Variants in TSPAN7 observed in about 807,000 individuals in gnomAD.
TSPAN7 encodes tetraspanin 7, also known as tetraspanin-7.
In TSPAN7, 1 loss-of-function variant was observed where a neutral mutation model predicts 17.6. That is an observed-to-expected ratio of 0.06 (90% confidence interval 0.02 to 0.27). The LOEUF (loss-of-function observed/expected upper bound fraction) is 0.27. Among genes scored for constraint, TSPAN7 ranks in the 10% least tolerant of loss-of-function variants. The pLI is 1.00. For synonymous variants in TSPAN7, 78 were observed against 79.0 expected, an observed-to-expected ratio of 0.99 and a Z score of 0.07; for missense variants, 112 against 201.7, an observed-to-expected ratio of 0.56 and a Z score of 2.69.
chrX:38,675,146 C>T (rs895814859), intron 4 of TSPAN7, among the ~76,000 whole-genome samples: 1 of 112,023 alleles, frequency 8.9e-6, no homozygotes, highest in Non-Finnish European at 1.9e-5. Context: ...TCTGTCACAA[C>T]TACTCATCTC....
At chrX:38,566,017 C>T (rs778816879) in intron 1 of TSPAN7, among the ~76,000 whole-genome samples, 4 of 111,899 alleles carry the variant, frequency 3.6e-5, no homozygotes, top group Non-Finnish European at 7.5e-5. Flanking sequence ...AACAGTGTAA[C>T]CAACCTCTGC....
intron 1 of TSPAN7, chrX:38,570,777 A>G (rs1308010118): frequency 9.0e-6 from 1 of 111,450 alleles, no homozygotes; most frequent in East Asian, 2.8e-4. Context: ...TAAATTTCTT[A>G]TTTTGGCTGT....
intron 1 of TSPAN7, among the ~76,000 whole-genome samples, chrX:38,634,504 G>A (rs1247761690): frequency 8.9e-6 from 1 of 111,814 alleles, no homozygotes; most frequent in Non-Finnish European, 1.9e-5. Flanking sequence ...TCTCCTGTTA[G>A]GACTGTGACC....
intron 6 of TSPAN7, among the ~76,000 whole-genome samples, chrX:38,683,240 A>C (rs2069903433): frequency 8.9e-6 from 1 of 112,003 alleles, no homozygotes; most frequent in South Asian, 3.7e-4. Context: ...AATCAAATGG[A>C]TCCTTCTCCA....
At chrX:38,607,735 G>A (rs1383008775) in intron 1 of TSPAN7, among the ~76,000 whole-genome samples, 2 of 111,022 alleles carry the variant, frequency 1.8e-5, no homozygotes, top group African/African-American at 6.5e-5. Flanking sequence ...CCAAAGGTGA[G>A]CACTGACGAT....
intron 1 of TSPAN7, among the ~76,000 whole-genome samples, chrX:38,625,999 A>C (rs2069520543): frequency 8.9e-6 from 1 of 112,199 alleles, no homozygotes; most frequent in Non-Finnish European, 1.9e-5. Context: ...GAGGATGGGA[A>C]TCACGTGAAT....
rs1470856911 is a variant in TSPAN7 at position 38,688,485 on chromosome X, A to G, written c.*554A>G. On this transcript the variant is annotated 3_prime_UTR_variant, in exon 8 of 8. Coordinates refer to ENST00000378482, the MANE Select transcript of TSPAN7 (RefSeq NM_004615.4). ...CCTAAGACATGTAACGAAACACTTC[A>G]ATAATTGTCCATGAGGAGAAAAAAA... is the stretch of plus-strand genomic sequence containing the variant. 5.3e-5 allele frequency: 6 copies of G among 113,244 alleles called. No individual in the cohort carries two copies. Among genetic ancestry groups the G allele is most frequent in the Non-Finnish European group, 1.1e-4 (6 of 53,354 alleles). The allele number at this position is 113,244 out of a possible 1,213,427, so 9.3% of individuals were successfully genotyped here. A position where few individuals can be genotyped will look rare whatever the true frequency, so the allele number is the denominator to read the frequency against.
chrX:38,636,040 T>G (rs1393078777), intron 1 of TSPAN7, among the ~76,000 whole-genome samples: 2 of 110,150 alleles, frequency 1.8e-5, no homozygotes, highest in Admixed American at 2.0e-4. Flanking sequence ...CCCATTAATT[T>G]TATGCATTTG....
At chrX:38,601,044 G>A (rs1268926664) in intron 1 of TSPAN7, among the ~76,000 whole-genome samples, 6 of 111,582 alleles carry the variant, frequency 5.4e-5, no homozygotes, top group African/African-American at 9.8e-5. Context: ...TTGAGTAGAC[G>A]TTGGTCTGCC....
chrX:38,585,913 A>G (rs1052369982), intron 1 of TSPAN7, among the ~76,000 whole-genome samples: 6 of 112,801 alleles, frequency 5.3e-5, no homozygotes, highest in Non-Finnish European at 9.4e-5. Context: ...CCCTCACCAG[A>G]AGCAGATGCT....
chrX:38,599,269 C>T (rs1324466735), intron 1 of TSPAN7, among the ~76,000 whole-genome samples: 1 of 110,583 alleles, frequency 9.0e-6, no homozygotes, highest in Non-Finnish European at 1.9e-5. Flanking sequence ...TGTGTATGTG[C>T]ATATTAATAT....
At chrX:38,656,686 A>G (rs1393173528) in intron 1 of TSPAN7, among the ~76,000 whole-genome samples, 1 of 112,074 alleles carries the variant, frequency 8.9e-6, no homozygotes, top group Non-Finnish European at 1.9e-5. Flanking sequence ...GCATTTACCT[A>G]TATGATGTCT....
intron 7 of TSPAN7, 132 bp from the exon 8 acceptor site, chrX:38,687,807 T>A: frequency 2.2e-6 from 1 of 462,124 alleles, no homozygotes; most frequent in Non-Finnish European, 3.6e-6. Flanking sequence ...TTCAGAAATC[T>A]CATTTCTGTG....
intron 1 of TSPAN7, among the ~76,000 whole-genome samples, chrX:38,659,823 CTTTTTTTTT>C (rs748922281): frequency 3.2e-5 from 2 of 61,604 alleles, no homozygotes; most frequent in Non-Finnish European, 5.8e-5. Flanking sequence ...TTTTCTTTTT[CTTTTTTTTT>C]TTTTTTTTTT....
chrX:38,636,647 G>T (rs1485255376), intron 1 of TSPAN7, among the ~76,000 whole-genome samples: 1 of 111,555 alleles, frequency 9.0e-6, no homozygotes, highest in Admixed American at 9.5e-5. Context: ...ATCAGCATGA[G>T]GGGTAGGGCA....
chrX:38,595,335 A>G (rs989446810), intron 1 of TSPAN7, among the ~76,000 whole-genome samples: 1 of 111,749 alleles, frequency 8.9e-6, no homozygotes, highest in African/African-American at 3.2e-5. Context: ...ACTCCTCCTA[A>G]TATCTAACTT....
intron 1 of TSPAN7, among the ~76,000 whole-genome samples, chrX:38,626,473 T>C (rs138603216): frequency 9.0e-6 from 1 of 111,690 alleles, no homozygotes; most frequent in African/African-American, 3.2e-5. Flanking sequence ...AGGATGACTA[T>C]TCGGGAGTGA....
intron 6 of TSPAN7, among the ~76,000 whole-genome samples, chrX:38,686,141 T>C (rs1403453129): frequency 8.9e-6 from 1 of 112,797 alleles, no homozygotes; most frequent in Non-Finnish European, 1.9e-5. Flanking sequence ...TGCGACTATG[T>C]ATTTTATGGC....
At chrX:38,572,712 T>TGG (rs916361888) in intron 1 of TSPAN7, among the ~76,000 whole-genome samples, 19 of 111,378 alleles carry the variant, frequency 1.7e-4, no homozygotes, top group African/African-American at 5.9e-4. Context: ...TAGACCCCTT[T>TGG]GGGGTTGAAA....
Sources: allele counts gnomAD v4.1 joint callset (sites outside exome capture counted in the v4.1 genomes callset), GRCh38; gene constraint gnomAD v4.1.1; transcripts MANE v1.5; gene names NCBI Gene and HGNC (gene_info 2026-07-23, HGNC 2026-07-21).